Variants in DOCK4 observed in about 807,000 individuals in gnomAD.
DOCK4 encodes the protein dedicator of cytokinesis protein 4.
DOCK4 carries 97 observed loss-of-function variants against 268.1 expected under a neutral mutation model. The ratio of observed to expected loss-of-function variants is 0.36; its 90% CI spans 0.31 to 0.43. The LOEUF is 0.43. Ranked by LOEUF, DOCK4 falls within the 20% of genes least tolerant of loss-of-function variation. DOCK4 has a pLI of 1.00. For missense variants in DOCK4, 2,145 were observed against 2,455.7 expected, an observed-to-expected ratio of 0.87 and a Z score of 2.67; for synonymous variants, 954 against 887.2, an observed-to-expected ratio of 1.08 and a Z score of -1.34.
chr7:111,923,854 A>AAG (rs1793368016), intron 12 of DOCK4, among the ~76,000 whole-genome samples: 1 of 152,186 alleles, frequency 6.6e-6, no homozygotes, highest in Admixed American at 6.5e-5. Context: ...AAGTTATTTT[A>AAG]CTAATTCGTT....
intron 23 of DOCK4, among the ~76,000 whole-genome samples, chr7:111,853,317 T>C (rs973863617): frequency 1.3e-5 from 2 of 152,094 alleles, no homozygotes; most frequent in African/African-American, 4.8e-5. Flanking sequence ...GGCTCTAGCA[T>C]GGGCTGGACG....
chr7:111,756,631 G>A (rs960493163), intron 41 of DOCK4, among the ~76,000 whole-genome samples: 4 of 151,912 alleles, frequency 2.6e-5, no homozygotes, highest in African/African-American at 9.7e-5. Context: ...TTGATGACAC[G>A]TTTCTTTTTT....
At chr7:112,105,153 T>C (rs551227297) in intron 1 of DOCK4, among the ~76,000 whole-genome samples, 1 of 152,304 alleles carries the variant, frequency 6.6e-6, no homozygotes, top group East Asian at 1.9e-4. Flanking sequence ...CCTTGAAAAG[T>C]AATCTGAAAT....
At chr7:111,890,997 A>G (rs1167651760) in intron 16 of DOCK4, among the ~76,000 whole-genome samples, 1 of 152,202 alleles carries the variant, frequency 6.6e-6, no homozygotes, top group East Asian at 1.9e-4. Flanking sequence ...GTACCTGCCA[A>G]TGAATGACAC....
At chr7:111,994,019 C>A in intron 5 of DOCK4, 116 bp downstream of exon 5, 1 of 572,126 alleles carries the variant, frequency 1.7e-6, no homozygotes, top group East Asian at 2.7e-5. Context: ...TCTATATCCC[C>A]AAGGAGTCCT....
intron 1 of DOCK4, among the ~76,000 whole-genome samples, chr7:112,054,342 A>G (rs543526724): frequency 6.6e-6 from 1 of 152,258 alleles, no homozygotes; most frequent in South Asian, 2.1e-4. Context: ...TTTCAAAATG[A>G]TGAGACCTAT....
At chr7:111,902,164 T>C (rs1387791064) in intron 13 of DOCK4, among the ~76,000 whole-genome samples, 1 of 152,226 alleles carries the variant, frequency 6.6e-6, no homozygotes, top group African/African-American at 2.4e-5. Context: ...ACCAGTCTTA[T>C]TACTTTATAG....
intron 1 of DOCK4, among the ~76,000 whole-genome samples, chr7:112,111,114 T>C (rs1175781109): frequency 6.6e-6 from 1 of 151,876 alleles, no homozygotes. Context: ...ACAGGAAGAG[T>C]GGTCTTTTAG....
chr7:112,022,667 T>C (rs1350636834), intron 1 of DOCK4, among the ~76,000 whole-genome samples: 3 of 152,190 alleles, frequency 2.0e-5, no homozygotes, highest in Non-Finnish European at 4.4e-5. Flanking sequence ...AGAACATGGA[T>C]GGTGTTCAGC....
intron 30 of DOCK4, among the ~76,000 whole-genome samples, chr7:111,805,081 G>C (rs560359329): frequency 6.6e-6 from 1 of 152,174 alleles, no homozygotes; most frequent in African/African-American, 2.4e-5. Context: ...TGTCTCACAA[G>C]GGAAGAAGAG....
chr7:111,814,945 C>T (rs1248961198), intron 27 of DOCK4, among the ~76,000 whole-genome samples: 1 of 152,088 alleles, frequency 6.6e-6, no homozygotes, highest in Non-Finnish European at 1.5e-5. Context: ...GAAAGTGACA[C>T]GATGACTTTC....
chr7:111,953,549 T>C (rs1461624484), intron 8 of DOCK4: 1 of 152,228 alleles, frequency 6.6e-6, no homozygotes, highest in Non-Finnish European at 1.5e-5. Context: ...CAAAATATAC[T>C]TCTTTGGCAT....
intron 16 of DOCK4, among the ~76,000 whole-genome samples, chr7:111,878,442 A>C (rs1807097047): frequency 6.6e-6 from 1 of 152,214 alleles, no homozygotes; most frequent in South Asian, 2.1e-4. Context: ...CAGAACACCA[A>C]ATTTTCACAA....
At chr7:111,809,170 C>T (rs1433542439) in intron 29 of DOCK4, 131 bp downstream of exon 29, 11 of 771,212 alleles carry the variant, frequency 1.4e-5, no homozygotes, top group South Asian at 1.3e-4. Flanking sequence ...GAAAAGACTG[C>T]TTCTTGACCC....
chr7:111,822,373 C>T lies in DOCK4; in HGVS notation c.2919G>A (p.Leu973=). 1.2e-6 allele frequency: 2 copies of T among 1,612,802 alleles called. No homozygotes were observed. Among genetic ancestry groups the T allele is most frequent in the Admixed American group, 1.7e-5 (1 of 59,974 alleles). Residue 973 remains leucine, a synonymous_variant, in exon 27 of 53, where the codon TTG becomes TTA. Transcript: ENST00000428084. The part of the protein sequence containing the change: ...MFPKDWTVMR[L]VANNVIITTV... ...CTTAAATGTCTTACTTGTTAGCAAC[C>T]AAGCGCATAACAGTCCAGTCCTTTG...
Position 111,741,999 on chromosome 7 carries a change from C to T in DOCK4, c.4797+14G>A, listed in dbSNP as rs371330490. On this transcript the variant is annotated intron_variant, in intron 45 of 52. Coordinates refer to ENST00000428084, the MANE Select transcript of DOCK4 (RefSeq NM_001363540.2). ...GATCAGGCTGCCCCGCCATGGACACCTAAGTATACATACCTGTATCCCTAA... is the reference window on the plus strand; with the variant it reads ...GATCAGGCTGCCCCGCCATGGACACTTAAGTATACATACCTGTATCCCTAA... 3 of 1,573,028 alleles carry T rather than the reference C, an allele frequency of 1.9e-6. No homozygotes were observed. Among genetic ancestry groups the T allele is most frequent in the Admixed American group, 1.9e-5 (1 of 51,538 alleles).
chr7:111,783,568 ATT>A (rs538422573), intron 34 of DOCK4, among the ~76,000 whole-genome samples: 13 of 145,350 alleles, frequency 8.9e-5, no homozygotes, highest in African/African-American at 3.0e-4. Flanking sequence ...CAAAATAAAG[ATT>A]TTTTTTTTTT....
intron 1 of DOCK4, among the ~76,000 whole-genome samples, chr7:112,126,759 G>C (rs1181397685): frequency 1.3e-5 from 2 of 152,136 alleles, no homozygotes; most frequent in African/African-American, 2.4e-5. Context: ...GATATGAACA[G>C]ACACTTCTCA....
intron 1 of DOCK4, among the ~76,000 whole-genome samples, chr7:112,125,929 C>G (rs1434101642): frequency 1.3e-5 from 2 of 152,142 alleles, no homozygotes; most frequent in Non-Finnish European, 2.9e-5. Flanking sequence ...TCACCTCAGC[C>G]TCCCAAGTGG....
Sources: allele counts gnomAD v4.1 joint callset (sites outside exome capture counted in the v4.1 genomes callset), GRCh38; gene constraint gnomAD v4.1.1; transcripts MANE v1.5; gene names NCBI Gene and HGNC (gene_info 2026-07-23, HGNC 2026-07-21).